ARHGEF10: variants seen among roughly 807,000 people sequenced by gnomAD.
ARHGEF10 encodes Rho guanine nucleotide exchange factor (GEF) 10.
ARHGEF10 carries 140 observed loss-of-function variants against 147.4 expected under a neutral mutation model. The ratio of observed to expected loss-of-function variants is 0.95; its 90% CI spans 0.83 to 1.09. The LOEUF is 1.09. Ranked by LOEUF, ARHGEF10 falls within the 50% of genes least tolerant of loss-of-function variation. The probability of loss-of-function intolerance (pLI) is 0.00; values close to 1 mark genes in which losing one functional copy is unlikely to be tolerated. For missense variants in ARHGEF10, 2,222 were observed against 1,752.7 expected (o/e 1.27, Z -4.78); for synonymous variants, 902 against 695.8 (o/e 1.30, Z -4.67).
chr8:1,894,910 G>T (rs1194356098), intron 13 of ARHGEF10, among the ~76,000 whole-genome samples: 1 of 152,144 alleles, frequency 6.6e-6, no homozygotes, highest in Non-Finnish European at 1.5e-5. Flanking sequence ...CCGTGTGTTT[G>T]GCAATGTTGT....
intron 11 of ARHGEF10, among the ~76,000 whole-genome samples, chr8:1,888,471 T>TGC (rs1808990557): frequency 2.0e-4 from 18 of 91,592 alleles, no homozygotes; most frequent in South Asian, 4.0e-4. Flanking sequence ...TGAGGGGTAT[T>TGC]GAGGAGACAC....
intron 11 of ARHGEF10, among the ~76,000 whole-genome samples, chr8:1,888,091 A>G (rs73671025): frequency 0.11 from 12,085 of 106,820 alleles, 2,867 homozygotes; most frequent in African/African-American, 0.44. Flanking sequence ...GACACTAGGT[A>G]GGGTGAATGT....
chr8:1,930,852 G>A (rs1024661349), intron 25 of ARHGEF10, among the ~76,000 whole-genome samples: 6 of 152,254 alleles, frequency 3.9e-5, no homozygotes, highest in African/African-American at 1.4e-4. Context: ...AAGCACAGGA[G>A]CCGCTCCTGT....
chr8:1,850,114 A>G (rs71518094), intron 2 of ARHGEF10, among the ~76,000 whole-genome samples: 928 of 20,868 alleles, frequency 0.044, 8 homozygotes, highest in Middle Eastern at 0.12. Flanking sequence ...GGCCGGCTGC[A>G]TGGACACAGA....
intron 6 of ARHGEF10, 124 bp downstream of exon 6, chr8:1,866,726 C>A: frequency 1.0e-6 from 1 of 980,778 alleles, no homozygotes; most frequent in Non-Finnish European, 1.6e-6. Flanking sequence ...TGTTTATTTA[C>A]TGAAAATAGT....
intron 17 of ARHGEF10, among the ~76,000 whole-genome samples, chr8:1,908,269 C>T (rs890037380): frequency 7.3e-6 from 1 of 137,760 alleles, no homozygotes; most frequent in Non-Finnish European, 1.5e-5. Context: ...CTCGCTCTGT[C>T]ACCCAGGCTG....
Position 1,933,784 on chromosome 8 carries a change from A to G in ARHGEF10, c.3080-16A>G. 1 of 1,614,168 alleles carries G rather than the reference A, an allele frequency of 6.2e-7. No homozygotes were observed. The highest frequency in any genetic ancestry group is 8.5e-7 in the Non-Finnish European group (1 of 1,180,008). Reference sequence around the variant, plus strand: ...AGAAAACTGAACTTGAATGAAATGAAATATTTTCTTTTAAGATGGATCCTG... The same window carrying G: ...AGAAAACTGAACTTGAATGAAATGAGATATTTTCTTTTAAGATGGATCCTG... On this transcript the variant is annotated splice_polypyrimidine_tract_variant and intron_variant, in intron 25 of 28. Transcript: ENST00000349830.
chr8:1,886,921 G>T (rs1490405724), intron 11 of ARHGEF10, among the ~76,000 whole-genome samples: 2 of 152,140 alleles, frequency 1.3e-5, no homozygotes, highest in African/African-American at 4.8e-5. Flanking sequence ...CACGTCCAGG[G>T]GGGTGGTTGA....
At chr8:1,837,342 G>T (rs1412473825) in intron 1 of ARHGEF10, among the ~76,000 whole-genome samples, 1 of 152,258 alleles carries the variant, frequency 6.6e-6, no homozygotes, top group Non-Finnish European at 1.5e-5. Context: ...TCGGTGCTGG[G>T]TGAAGTGTGA....
intron 3 of ARHGEF10, among the ~76,000 whole-genome samples, chr8:1,859,528 G>T (rs183560998): frequency 4.7e-4 from 72 of 152,258 alleles, no homozygotes; most frequent in Admixed American, 3.9e-3. Flanking sequence ...CCTCTCGGTT[G>T]TTTGCATGGC....
intron 28 of ARHGEF10, 42 bp downstream of exon 28, chr8:1,952,869 C>G: frequency 6.2e-7 from 1 of 1,613,178 alleles, no homozygotes; most frequent in Non-Finnish European, 8.5e-7. Context: ...TCCTGTCTTG[C>G]AGGCTCGTGG....
intron 18 of ARHGEF10, among the ~76,000 whole-genome samples, chr8:1,915,804 A>T (rs1330387732): frequency 6.6e-6 from 1 of 152,248 alleles, no homozygotes; most frequent in African/African-American, 2.4e-5. Flanking sequence ...TATTTTCTAA[A>T]TATGACATGC....
Position 1,957,473 on chromosome 8 carries a change from C to G in ARHGEF10, c.*210C>G, listed in dbSNP as rs1422965733. 2.8e-6 allele frequency: 2 copies of G among 715,020 alleles called. No individual in the cohort carries two copies. Among genetic ancestry groups the G allele is most frequent in the Non-Finnish European group, 4.5e-6 (2 of 442,566 alleles). 44.3% of individuals were successfully genotyped at this position (715,020 alleles called of 1,614,324 possible). A position where few individuals can be genotyped will look rare whatever the true frequency, so the allele number is the denominator to read the frequency against. The stretch of plus-strand genomic sequence containing the variant: ...AGCAGAAGTAATTACAAGCACTTCT[C>G]ACGAAGGCAGAAGACTGATGCAATT... On this transcript the variant is annotated 3_prime_UTR_variant, in exon 29 of 29. Coordinates refer to ENST00000349830, the MANE Select transcript of ARHGEF10 (RefSeq NM_014629.4).
intron 17 of ARHGEF10, among the ~76,000 whole-genome samples, chr8:1,907,520 C>G (rs572678509): frequency 6.6e-6 from 1 of 152,242 alleles, no homozygotes; most frequent in Non-Finnish European, 1.5e-5. Context: ...TTGTCTGACA[C>G]TGACTGCTGC....
At chr8:1,949,285 C>G (rs1814838978) in intron 27 of ARHGEF10, among the ~76,000 whole-genome samples, 2 of 152,192 alleles carry the variant, frequency 1.3e-5, no homozygotes, top group South Asian at 4.1e-4. Flanking sequence ...TTTTCTCCTT[C>G]TATTTGGAAT....
At chr8:1,857,879 GATCTATCTATCTATCTATCTATCT>G (rs35698984) in intron 2 of ARHGEF10, 57 bp from the exon 3 acceptor site, 2 of 593,608 alleles carry the variant, frequency 3.4e-6, no homozygotes, top group Non-Finnish European at 5.7e-6. Context: ...TAGATCGATC[GATCTATCTATCTATCTATCTATCT>G]ATCTATCTAT....
intron 1 of ARHGEF10, among the ~76,000 whole-genome samples, chr8:1,841,856 G>C (rs559454000): frequency 0.016 from 1,712 of 109,466 alleles, 53 homozygotes; most frequent in African/African-American, 0.036. Flanking sequence ...GGGCCGCGGC[G>C]GGAACTGGGG....
chr8:1,945,831 T>C lies in ARHGEF10; in HGVS notation c.3397+176T>C, dbSNP rs1369054531. On this transcript the variant is annotated intron_variant, in intron 27 of 28. Transcript: ENST00000349830. ...ACAGACGTGGGAGTACGGAGCATGG[T>C]CAGCCCACTTTAGCGCTTCCCGGTG... The C allele has an allele frequency of 5.9e-6, 6 of 1,010,368 alleles. No individual in the cohort carries two copies. The African/African-American group carries it at 8.0e-5, about 13-fold the overall frequency. 62.6% of individuals were successfully genotyped at this position (1,010,368 alleles called of 1,614,324 possible). A position where few individuals can be genotyped will look rare whatever the true frequency, so the allele number is the denominator to read the frequency against.
chr8:1,923,109 T>C (rs1812423411), intron 19 of ARHGEF10, 30 bp downstream of exon 19: 2 of 1,486,828 alleles, frequency 1.3e-6, no homozygotes, highest in Admixed American at 1.7e-5. Context: ...GATTTAAGAT[T>C]CTGCCTTTAC....
Sources: allele counts gnomAD v4.1 joint callset (sites outside exome capture counted in the v4.1 genomes callset), GRCh38; gene constraint gnomAD v4.1.1; transcripts MANE v1.5; gene names NCBI Gene and HGNC (gene_info 2026-07-23, HGNC 2026-07-21).